The following SYNCRIP variants were observed in gnomAD, a reference collection of about 807,000 sequenced individuals.
SYNCRIP encodes heterogeneous nuclear ribonucleoprotein Q.
Under a neutral mutation model 68.9 loss-of-function variants are expected in SYNCRIP, and 9 were observed. The ratio of observed to expected loss-of-function variants is 0.13; its 90% CI spans 0.08 to 0.23. The LOEUF (loss-of-function observed/expected upper bound fraction) is 0.23. Ranked by LOEUF, SYNCRIP falls within the 10% of genes least tolerant of loss-of-function variation. The pLI is 1.00. For missense variants in SYNCRIP, 414 were observed against 770.6 expected (o/e 0.54, Z 5.48); for synonymous variants, 258 against 254.0 (o/e 1.02, Z -0.15).
intron 6 of SYNCRIP, among the ~76,000 whole-genome samples, chr6:85,630,586 T>A (rs1405308497): frequency 6.6e-6 from 1 of 152,220 alleles, no homozygotes; most frequent in Non-Finnish European, 1.5e-5. Context: ...TCAACATGTC[T>A]ATTTCCAAAC....
At chr6:85,629,968 T>G (rs1244464132) in intron 6 of SYNCRIP, among the ~76,000 whole-genome samples, 1 of 144,632 alleles carries the variant, frequency 6.9e-6, no homozygotes, top group Non-Finnish European at 1.5e-5. Context: ...TCGTTGAGAG[T>G]GAGGATTTGT....
intron 6 of SYNCRIP, among the ~76,000 whole-genome samples, chr6:85,632,912 G>C (rs904117559): frequency 2.0e-5 from 3 of 151,736 alleles, no homozygotes; most frequent in African/African-American, 7.3e-5. Context: ...TCCAGCAAGG[G>C]CAACAGAGTG....
In SYNCRIP at chr6:85,637,130, T is replaced by C; in HGVS notation, c.503A>G (p.Lys168Arg). 1 of 1,609,726 alleles carries C rather than the reference T, an allele frequency of 6.2e-7. No individual in the cohort carries two copies. Among genetic ancestry groups the C allele is most frequent in the Non-Finnish European group, 8.5e-7 (1 of 1,178,872 alleles). Reference sequence around the variant, plus strand: ...ATCCTCAAATAGATCTCTTGGGATCTTTCCCACAAATATCTGTAAATTAAA... The same window carrying C: ...ATCCTCAAATAGATCTCTTGGGATCCTTCCCACAAATATCTGTAAATTAAA... ...PSVGTEIFVG[K>R]IPRDLFEDEL... Residue 168 changes from lysine (K) to arginine (R), a missense_variant, in exon 6 of 11, where the codon AAG becomes AGG. Lys to Arg is a conservative substitution (Grantham distance 26). Transcript: ENST00000369622.
chr6:85,627,365 G>GT (rs993014353), intron 6 of SYNCRIP, among the ~76,000 whole-genome samples: 46 of 151,478 alleles, frequency 3.0e-4, no homozygotes, highest in African/African-American at 1.1e-3. Context: ...AGCGAACAAA[G>GT]TAAGGAGACT....
intron 6 of SYNCRIP, among the ~76,000 whole-genome samples, chr6:85,625,234 T>C (rs1307993329): frequency 3.3e-5 from 5 of 152,130 alleles, no homozygotes; most frequent in Admixed American, 1.3e-4. Flanking sequence ...GCTATTCAAG[T>C]GTGTGGCCCT....
intron 10 of SYNCRIP, among the ~76,000 whole-genome samples, chr6:85,617,824 T>C (rs948443756): frequency 1.3e-5 from 2 of 152,238 alleles, no homozygotes; most frequent in South Asian, 2.1e-4. Flanking sequence ...ACAGTGATTA[T>C]TGCTCTCACA....
intron 2 of SYNCRIP, among the ~76,000 whole-genome samples, chr6:85,641,034 AT>A (rs1354063456): frequency 6.6e-6 from 1 of 152,224 alleles, no homozygotes; most frequent in Non-Finnish European, 1.5e-5. Flanking sequence ...TGTTCCCAAC[AT>A]TTAGCAGCTG....
At chr6:85,623,952 C>T in intron 7 of SYNCRIP, 25 bp downstream of exon 7, 2 of 1,612,624 alleles carry the variant, frequency 1.2e-6, no homozygotes, top group Non-Finnish European at 1.7e-6. Flanking sequence ...AAAGCTGCAC[C>T]TCATTCCAAA....
chr6:85,633,340 TAC>T (rs1808050580), intron 6 of SYNCRIP, among the ~76,000 whole-genome samples: 1 of 152,018 alleles, frequency 6.6e-6, no homozygotes, highest in Non-Finnish European at 1.5e-5. Flanking sequence ...CTCACACCTG[TAC>T]TCCCAGCACT....
At chr6:85,636,878 G>T in intron 6 of SYNCRIP, 89 bp downstream of exon 6, 3 of 1,301,540 alleles carry the variant, frequency 2.3e-6, no homozygotes, top group Non-Finnish European at 3.1e-6. Flanking sequence ...TTCAAAAAAT[G>T]TTTGGTAAAC....
intron 6 of SYNCRIP, among the ~76,000 whole-genome samples, chr6:85,634,246 A>T (rs1263020257): frequency 1.3e-5 from 2 of 152,236 alleles, no homozygotes; most frequent in African/African-American, 4.8e-5. Flanking sequence ...ACTCGAAATC[A>T]CTGTTACTAA....
chr6:85,627,940 A>G (rs979086653), intron 6 of SYNCRIP, among the ~76,000 whole-genome samples: 11 of 152,168 alleles, frequency 7.2e-5, no homozygotes, highest in African/African-American at 2.7e-4. Context: ...CCTCATAGTC[A>G]CCAAATTCCC....
chr6:85,614,186 C>T lies in SYNCRIP; in HGVS notation c.*570G>A, dbSNP rs1276693862. On this transcript the variant is annotated 3_prime_UTR_variant, in exon 11 of 11. Transcript: ENST00000369622. ...AATTTGCAGGAAATTTTGTGAAAAACGAATTGTAAACACAATTTTAGTAAG... is the reference window on the plus strand; with the variant it reads ...AATTTGCAGGAAATTTTGTGAAAAATGAATTGTAAACACAATTTTAGTAAG... 2 of 985,630 alleles carry T rather than the reference C, an allele frequency of 2.0e-6. No individual in the cohort carries two copies. The highest frequency in any genetic ancestry group is 1.2e-6 in the Non-Finnish European group (1 of 829,814). The allele number at this position is 985,630 out of a possible 1,614,324, so 61.1% of individuals were successfully genotyped here. A position where few individuals can be genotyped will look rare whatever the true frequency, so the allele number is the denominator to read the frequency against.
At chr6:85,630,083 C>T (rs143475091) in intron 6 of SYNCRIP, among the ~76,000 whole-genome samples, 57 of 152,158 alleles carry the variant, frequency 3.7e-4, no homozygotes, top group Non-Finnish European at 7.4e-4. Context: ...ACTTGTGGGC[C>T]GGGCACTGTG....
At chr6:85,630,308 C>T (rs1228191871) in intron 6 of SYNCRIP, among the ~76,000 whole-genome samples, 1 of 152,176 alleles carries the variant, frequency 6.6e-6, no homozygotes, top group Non-Finnish European at 1.5e-5. Flanking sequence ...TTGCAATGAG[C>T]CGAGATCGTG....
intron 6 of SYNCRIP, among the ~76,000 whole-genome samples, chr6:85,633,146 C>T (rs1808013111): frequency 6.6e-6 from 1 of 151,772 alleles, no homozygotes; most frequent in Non-Finnish European, 1.5e-5. Flanking sequence ...GTACCAGCTA[C>T]TCAGGAGGCT....
At chr6:85,636,128 A>C (rs1463500502) in intron 6 of SYNCRIP, among the ~76,000 whole-genome samples, 1 of 152,212 alleles carries the variant, frequency 6.6e-6, no homozygotes, top group Non-Finnish European at 1.5e-5. Context: ...AAGGACTTAC[A>C]TAAACTATAA....
At position 85,615,332 on chromosome 6, in the gene SYNCRIP, G is replaced by A; in HGVS notation, c.1296C>T (p.Tyr432=). Residue 432 remains tyrosine (Y), a synonymous_variant, in exon 11 of 11, where the codon TAC becomes TAT. Coordinates refer to ENST00000369622, the MANE Select transcript of SYNCRIP (RefSeq NM_006372.5). ...AAKNQMYDDY[Y]YYGPPHMPPP... is the part of the protein sequence containing the mutation. The stretch of plus-strand genomic sequence containing the variant: ...GGGGCATATGAGGTGGACCATAATA[G>A]TAGTAATCGTCATACCTATTAAAAA... 2 of 1,517,824 alleles carry A rather than the reference G, an allele frequency of 1.3e-6. No individual in the cohort carries two copies. Among genetic ancestry groups the A allele is most frequent in the Non-Finnish European group, 1.8e-6 (2 of 1,129,744 alleles). The allele number at this position is 1,517,824 out of a possible 1,614,324, so 94.0% of individuals were successfully genotyped here.
rs966373396 is a variant in SYNCRIP, at chr6:85,621,686, G to T, written c.1008+796C>A. 9.3e-5 allele frequency among the ~76,000 whole-genome samples: 14 copies of T among 151,178 alleles called. No homozygotes were observed. In the South Asian group the frequency reaches 1.0e-3, roughly 11 times the overall value. Reference sequence around the variant, plus strand: ...CTGCACCAGTGTGTAATAAAGTGTTGACTCAAGGGATGTTTATTCTTATAC... The same window carrying T: ...CTGCACCAGTGTGTAATAAAGTGTTTACTCAAGGGATGTTTATTCTTATAC... On this transcript the variant is annotated intron_variant, in intron 8 of 10. Transcript: ENST00000369622.
Sources: allele counts gnomAD v4.1 joint callset (sites outside exome capture counted in the v4.1 genomes callset), GRCh38; gene constraint gnomAD v4.1.1; transcripts MANE v1.5; gene names NCBI Gene and HGNC (gene_info 2026-07-23, HGNC 2026-07-21).